FIBCD1: variants seen among roughly 807,000 people sequenced by gnomAD.
FIBCD1 encodes fibrinogen C domain containing 1, also known as fibrinogen C domain-containing protein 1.
In FIBCD1, 47 loss-of-function variants were observed where a neutral mutation model predicts 45.1. That is an observed-to-expected ratio of 1.04 (90% confidence interval 0.82 to 1.33). FIBCD1 has a LOEUF of 1.33. FIBCD1 is among the 40% of genes most tolerant of loss of function. The pLI, the probability that FIBCD1 is intolerant of heterozygous loss-of-function variation, is 0.00. For missense variants in FIBCD1, 653 were observed against 682.2 expected (o/e 0.96, Z 0.48); for synonymous variants, 313 against 308.1 (o/e 1.02, Z -0.17).
intron 1 of FIBCD1, among the ~76,000 whole-genome samples, chr9:130,936,864 C>A (rs1832527146): frequency 6.6e-6 from 1 of 152,200 alleles, no homozygotes; most frequent in South Asian, 2.1e-4. Flanking sequence ...AGGCTAAACA[C>A]TACTAGAACT....
In FIBCD1 at chr9:130,902,705, A is replaced by C. The variant is rs1482898592; in HGVS notation, c.*1359T>G. 6.6e-6 allele frequency: 1 copy of C among 152,180 alleles called. No individual in the cohort carries two copies. The allele number at this position is 152,180 out of a possible 1,614,324, so 9.4% of individuals were successfully genotyped here. On this transcript the variant is annotated 3_prime_UTR_variant, in exon 7 of 7. Transcript: ENST00000372338. The stretch of plus-strand genomic sequence containing the variant: ...GCCCTTTCGGAGGCCCCCCATCAGG[A>C]GGCCTTGGAAAAGCCGCCCTGCATC...
chr9:130,912,159 G>A (rs530823322), intron 4 of FIBCD1, among the ~76,000 whole-genome samples: 45 of 152,154 alleles, frequency 3.0e-4, no homozygotes, highest in African/African-American at 9.9e-4. Context: ...ATTCCAGGCC[G>A]GGCATGGTGG....
intron 4 of FIBCD1, among the ~76,000 whole-genome samples, chr9:130,915,651 G>C (rs1367127804): frequency 6.6e-6 from 1 of 152,154 alleles, no homozygotes; most frequent in South Asian, 2.1e-4. Context: ...GCAGTGAGCC[G>C]AGATCGCGCC....
rs550760110 is a variant in FIBCD1, at chr9:130,926,350, C to T, written c.553-1954G>A. On this transcript the variant is annotated intron_variant, in intron 2 of 6. Transcript: ENST00000372338. The surrounding 1 kb of genome is among the most constrained non-coding windows in gnomAD (Gnocchi z 4.1). ...TTGAAAATGTACATATAAACATGCC[C>T]CGAATTAATGGGGAAGTGAGTCCCT... 6.6e-6 allele frequency among the ~76,000 whole-genome samples: 1 copy of T among 152,284 alleles called. No individual in the cohort carries two copies. Among genetic ancestry groups the T allele is most frequent in the South Asian group, 2.1e-4 (1 of 4,826 alleles).
At chr9:130,938,277 C>A in intron 1 of FIBCD1, 1 of 401,088 alleles carries the variant, frequency 2.5e-6, no homozygotes, top group Non-Finnish European at 4.5e-6. Flanking sequence ...CACCAGGGGG[C>A]TGCTGGGGGT....
intron 1 of FIBCD1, 72 bp downstream of exon 1, chr9:130,938,464 C>T (rs1421871128): frequency 5.7e-5 from 75 of 1,322,926 alleles, no homozygotes; most frequent in Non-Finnish European, 4.9e-6. Context: ...GCAATGGGTG[C>T]TCGCCCCGCC....
In FIBCD1 at chr9:130,925,759, G is replaced by A. The variant is rs530681842; in HGVS notation, c.553-1363C>T. Among the ~76,000 whole-genome samples the A allele has an allele frequency of 6.6e-5, 10 of 152,318 alleles. No homozygotes were observed. In the East Asian group the frequency reaches 1.5e-3, roughly 23 times the overall value. ...GGGCTTCAGGAGGCTGCAGGACCACGTGGAGGGTGAGGGGGTAGTGGGCAA... is the reference window on the plus strand; with the variant it reads ...GGGCTTCAGGAGGCTGCAGGACCACATGGAGGGTGAGGGGGTAGTGGGCAA... On this transcript the variant is annotated intron_variant, in intron 2 of 6. Transcript: ENST00000372338.
chr9:130,918,795 G>A (rs1344787693), intron 4 of FIBCD1, among the ~76,000 whole-genome samples: 2 of 152,194 alleles, frequency 1.3e-5, no homozygotes, highest in African/African-American at 2.4e-5. Flanking sequence ...TTCAAATCCT[G>A]ACTACCTCTC....
At chr9:130,913,301 G>A (rs957155020) in intron 4 of FIBCD1, among the ~76,000 whole-genome samples, 4 of 149,258 alleles carry the variant, frequency 2.7e-5, no homozygotes, top group Admixed American at 2.7e-4. Context: ...CAGCGCCCGC[G>A]GCCCGGCCGG....
intron 5 of FIBCD1, among the ~76,000 whole-genome samples, chr9:130,911,551 G>A (rs1379834338): frequency 6.6e-6 from 1 of 152,238 alleles, no homozygotes. Flanking sequence ...AGGGCATGTG[G>A]GACCCTCAGC....
intron 2 of FIBCD1, 85 bp from the exon 3 acceptor site, chr9:130,924,481 G>T: frequency 7.6e-7 from 1 of 1,318,184 alleles, no homozygotes; most frequent in Admixed American, 2.3e-5. Context: ...GGCCAGAGTG[G>T]GCCCTCTCCT....
chr9:130,910,851 C>T (rs1185546586), intron 5 of FIBCD1, among the ~76,000 whole-genome samples: 2 of 152,124 alleles, frequency 1.3e-5, no homozygotes, highest in Non-Finnish European at 2.9e-5. Context: ...CACCAATCAA[C>T]ACACTGTATC....
chr9:130,921,981 C>G (rs981095650), intron 4 of FIBCD1, among the ~76,000 whole-genome samples: 1 of 152,254 alleles, frequency 6.6e-6, no homozygotes, highest in African/African-American at 2.4e-5. Flanking sequence ...CGTCCCTCCA[C>G]CGGCCGCCTG....
intron 5 of FIBCD1, among the ~76,000 whole-genome samples, chr9:130,910,372 G>C (rs529267041): frequency 1.4e-4 from 21 of 152,194 alleles, no homozygotes; most frequent in Admixed American, 1.2e-3. Flanking sequence ...GCCAGGGCTC[G>C]GGACCTGCAG....
intron 1 of FIBCD1, chr9:130,930,928 C>T: frequency 2.3e-6 from 1 of 428,526 alleles, no homozygotes; most frequent in Admixed American, 2.4e-5. Flanking sequence ...GTAGCGGGCA[C>T]CCATCACGGA....
intron 5 of FIBCD1, among the ~76,000 whole-genome samples, chr9:130,910,127 G>A (rs1441900243): frequency 1.3e-5 from 2 of 152,238 alleles, no homozygotes; most frequent in Non-Finnish European, 1.5e-5. Flanking sequence ...GGAGGGAGAG[G>A]CGCGAGCGGG....
chr9:130,909,316 G>A (rs190412341), intron 5 of FIBCD1, among the ~76,000 whole-genome samples: 1 of 138,554 alleles, frequency 7.2e-6, no homozygotes, highest in Non-Finnish European at 1.5e-5. Context: ...CTGGATGTCC[G>A]CACACACCCG....
chr9:130,933,625 G>A (rs12236258), intron 1 of FIBCD1, among the ~76,000 whole-genome samples: 20 of 152,052 alleles, frequency 1.3e-4, no homozygotes, highest in East Asian at 5.8e-4. Flanking sequence ...CCAGCAGGGC[G>A]GCAGGCAGCC....
In FIBCD1 at chr9:130,923,864, G is replaced by C. The variant is rs1189786251; in HGVS notation, c.729C>G (p.Asp243Glu). 1.2e-6 allele frequency: 2 copies of C among 1,612,526 alleles called. No individual in the cohort carries two copies. Among genetic ancestry groups the C allele is most frequent in the African/African-American group, 2.7e-5 (2 of 74,922 alleles). Residue 243 changes from aspartate to glutamate, a missense_variant, in exon 4 of 7, where the codon GAC (aspartate) becomes GAG (glutamate). Transcript: ENST00000372338. ...GTCCGCTTAGGAGGACGTCCAGACA[G>C]TCTCGGGGCCGGGAGCCTGAGGGAG... is the stretch of plus-strand genomic sequence containing the variant. ...RGCATGSRPR[D>E]CLDVLLSGQQ...
Sources: gnomAD v4.1 joint callset for allele counts (sites outside exome capture counted in the v4.1 genomes callset) on GRCh38, gnomAD v4.1.1 for gene constraint, Gnocchi (gnomAD v3.1) non-coding constraint, MANE v1.5 for transcripts, NCBI Gene and HGNC (gene_info 2026-07-23, HGNC 2026-07-21) for gene names.